SOBP: variants seen among roughly 807,000 people sequenced by gnomAD.
SOBP encodes sine oculis-binding protein homolog.
Under a neutral mutation model 53.6 loss-of-function variants are expected in SOBP, and 4 were observed. The ratio of observed to expected loss-of-function variants is 0.07; its 90% confidence interval spans 0.04 to 0.17. The LOEUF is 0.17. Ranked by LOEUF, SOBP falls within the 10% of genes least tolerant of loss-of-function variation. The probability of loss-of-function intolerance (pLI) is 1.00; values close to 1 mark genes in which losing one functional copy is unlikely to be tolerated. For synonymous variants in SOBP, 584 were observed against 522.6 expected, an observed-to-expected ratio of 1.12 and a Z score of -1.60; for missense variants, 1,088 against 1,204.7, an observed-to-expected ratio of 0.90 and a Z score of 1.43.
At chr6:107,618,370 ATCACCCAT>A (rs1412906145) in intron 5 of SOBP, among the ~76,000 whole-genome samples, 1 of 152,164 alleles carries the variant, frequency 6.6e-6, no homozygotes, top group Non-Finnish European at 1.5e-5. Flanking sequence ...GGGGTAGCTG[ATCACCCAT>A]TCTCCTCTTG....
At chr6:107,507,820 T>G (rs1783041738) in intron 3 of SOBP, among the ~76,000 whole-genome samples, 4 of 152,102 alleles carry the variant, frequency 2.6e-5, no homozygotes, top group African/African-American at 9.7e-5. Context: ...TTAATGGAGA[T>G]CTTTCACTTG....
intron 4 of SOBP, among the ~76,000 whole-genome samples, chr6:107,537,488 T>C (rs1301583710): frequency 1.3e-5 from 2 of 152,210 alleles, no homozygotes; most frequent in African/African-American, 4.8e-5. Flanking sequence ...CACAAATTCC[T>C]AAGAGCACCA....
intron 2 of SOBP, among the ~76,000 whole-genome samples, chr6:107,504,778 A>G (rs551196136): frequency 6.6e-6 from 1 of 152,382 alleles, no homozygotes; most frequent in East Asian, 1.9e-4. Context: ...TTGAATGTAC[A>G]TGACAAATTT....
At chr6:107,505,757 T>A (rs1244152305) in intron 2 of SOBP, among the ~76,000 whole-genome samples, 1 of 152,152 alleles carries the variant, frequency 6.6e-6, no homozygotes. Context: ...TTCAAGTGAT[T>A]CTCTTGTCTC....
chr6:107,557,678 T>G (rs987213763), intron 4 of SOBP, among the ~76,000 whole-genome samples: 4 of 152,220 alleles, frequency 2.6e-5, no homozygotes, highest in African/African-American at 9.6e-5. Context: ...TAGATGATAC[T>G]TGGTTATTCA....
At chr6:107,612,101 T>A (rs1786620938) in intron 5 of SOBP, among the ~76,000 whole-genome samples, 1 of 152,166 alleles carries the variant, frequency 6.6e-6, no homozygotes, top group Non-Finnish European at 1.5e-5. Flanking sequence ...ATTGGACAAT[T>A]TGGGGCAAGA....
chr6:107,506,471 G>T (rs1189548927), intron 3 of SOBP, 44 bp downstream of exon 3: 13 of 1,604,240 alleles, frequency 8.1e-6, no homozygotes, highest in Non-Finnish European at 1.1e-5. Context: ...TTCATAGAAA[G>T]TTGTTTTAAC....
chr6:107,498,971 T>C (rs1782767096), intron 1 of SOBP, among the ~76,000 whole-genome samples: 1 of 152,202 alleles, frequency 6.6e-6, no homozygotes, highest in African/African-American at 2.4e-5. Context: ...GGAGATTCCA[T>C]TTTAATTGTG....
At chr6:107,565,120 A>G (rs1784878826) in intron 4 of SOBP, among the ~76,000 whole-genome samples, 3 of 152,236 alleles carry the variant, frequency 2.0e-5, no homozygotes, top group Admixed American at 2.0e-4. Flanking sequence ...ATAGTATTTC[A>G]ACTCATGCAG....
At chr6:107,649,163 C>CAAAA (rs61034738) in intron 6 of SOBP, among the ~76,000 whole-genome samples, 1 of 40,406 alleles carries the variant, frequency 2.5e-5, no homozygotes, top group African/African-American at 1.1e-4. Context: ...CCCCCACTAC[C>CAAAA]AAAAAAAAAA....
chr6:107,500,513 T>TA (rs1193770849), intron 1 of SOBP, among the ~76,000 whole-genome samples: 1 of 152,090 alleles, frequency 6.6e-6, no homozygotes, highest in East Asian at 1.9e-4. Context: ...CCTTGAAATT[T>TA]AAATTTAAAA....
intron 4 of SOBP, among the ~76,000 whole-genome samples, chr6:107,552,271 G>A: frequency 6.6e-6 from 1 of 152,108 alleles, no homozygotes; most frequent in East Asian, 1.9e-4. Flanking sequence ...ATCACAAAAT[G>A]GCCAGTGGCT....
intron 5 of SOBP, among the ~76,000 whole-genome samples, chr6:107,605,762 C>G (rs1434580457): frequency 6.6e-6 from 1 of 152,234 alleles, no homozygotes; most frequent in South Asian, 2.1e-4. Flanking sequence ...TAGCCTCTCA[C>G]TGCTCAAAAT....
At chr6:107,613,403 T>C (rs1786670133) in intron 5 of SOBP, among the ~76,000 whole-genome samples, 1 of 152,262 alleles carries the variant, frequency 6.6e-6, no homozygotes, top group Non-Finnish European at 1.5e-5. Context: ...GAAAAACATT[T>C]ATTAAAAATA....
intron 5 of SOBP, among the ~76,000 whole-genome samples, chr6:107,604,955 A>G (rs1434848396): frequency 2.6e-5 from 4 of 152,190 alleles, no homozygotes; most frequent in Non-Finnish European, 5.9e-5. Context: ...CAGTTCATAA[A>G]AATTCTTTGG....
intron 5 of SOBP, among the ~76,000 whole-genome samples, chr6:107,610,546 C>T (rs1220367077): frequency 6.6e-6 from 1 of 152,210 alleles, no homozygotes; most frequent in Non-Finnish European, 1.5e-5. Flanking sequence ...TTGGGAGGCT[C>T]AGCCCATGCA....
At chr6:107,543,855 T>G (rs1784221631) in intron 4 of SOBP, among the ~76,000 whole-genome samples, 1 of 152,198 alleles carries the variant, frequency 6.6e-6, no homozygotes, top group Admixed American at 6.5e-5. Flanking sequence ...GAAACCTGAT[T>G]ATTAGAACAT....
rs535582011 is a variant in SOBP, at chr6:107,554,533, G to A, written c.573+20923G>A. ...AGCCCATTAAGTGTTCATCTCTAAT[G>A]TGAAATTTCTAGATGAAGGCAATTT... is the stretch of plus-strand genomic sequence containing the variant. On this transcript the variant is annotated intron_variant, in intron 4 of 6. Transcript: ENST00000317357. Among the ~76,000 whole-genome samples the A allele has an allele frequency of 7.2e-5, 11 of 152,290 alleles. No individual in the cohort carries two copies. The East Asian group carries it at 2.1e-3, about 29-fold the overall frequency.
At chr6:107,645,536 A>AC (rs1011566656) in intron 6 of SOBP, among the ~76,000 whole-genome samples, 1 of 151,506 alleles carries the variant, frequency 6.6e-6, no homozygotes, top group Non-Finnish European at 1.5e-5. Context: ...AGAGACAAAA[A>AC]AAAAAGCCAA....
Sources: gnomAD v4.1 joint callset for allele counts (sites outside exome capture counted in the v4.1 genomes callset) on GRCh38, gnomAD v4.1.1 for gene constraint, MANE v1.5 for transcripts, NCBI Gene and HGNC (gene_info 2026-07-23, HGNC 2026-07-21) for gene names.